Variants in TAOK3 observed in about 807,000 individuals in gnomAD.
TAOK3 encodes the protein serine/threonine-protein kinase TAO3.
A neutral mutation model predicts 120.4 loss-of-function variants in TAOK3; 40 were observed. The ratio of observed to expected loss-of-function variants is 0.33; its 90% CI spans 0.26 to 0.43. TAOK3 has a LOEUF of 0.43. TAOK3 is among the 20% of genes least tolerant of loss of function. The pLI, the probability that TAOK3 is intolerant of heterozygous loss-of-function variation, is 1.00. For missense variants in TAOK3, 821 were observed against 1,112.1 expected (o/e 0.74, Z 3.72); for synonymous variants, 355 against 387.5 (o/e 0.92, Z 0.99).
intron 15 of TAOK3, among the ~76,000 whole-genome samples, chr12:118,181,033 T>TG (rs926654281): frequency 1.3e-4 from 20 of 151,796 alleles, no homozygotes; most frequent in African/African-American, 4.8e-4. Flanking sequence ...TTAGAAGAGA[T>TG]GGAGTTTCAC....
At chr12:118,191,555 G>C (rs1479595497) in intron 13 of TAOK3, among the ~76,000 whole-genome samples, 4 of 152,116 alleles carry the variant, frequency 2.6e-5, no homozygotes, top group Non-Finnish European at 4.4e-5. Flanking sequence ...ATAGTTAGTG[G>C]TGCCATATTG....
chr12:118,249,189 C>T (rs1338653292), intron 3 of TAOK3, among the ~76,000 whole-genome samples: 1 of 152,130 alleles, frequency 6.6e-6, no homozygotes, highest in Non-Finnish European at 1.5e-5. Context: ...TAAGAACTTA[C>T]TATTATGTGT....
rs1042191517 is a variant in TAOK3, at chr12:118,352,652, C to A, written c.-194+19996G>T. On this transcript the variant is annotated intron_variant, in intron 1 of 20. Transcript: ENST00000392533. Reference sequence around the variant, plus strand: ...CTGTAAATGAGGTGACAGACTGGACCCAAATAGGAAAAATACTCAGGTCCC... The same window carrying A: ...CTGTAAATGAGGTGACAGACTGGACACAAATAGGAAAAATACTCAGGTCCC... Among the ~76,000 whole-genome samples, 6 of 152,038 alleles carry A rather than the reference C, an allele frequency of 3.9e-5. No homozygotes were observed. The East Asian group carries it at 5.8e-4, about 15-fold the overall frequency.
intron 1 of TAOK3, among the ~76,000 whole-genome samples, chr12:118,339,006 A>C (rs78569094): frequency 0.017 from 2,574 of 152,108 alleles, 28 homozygotes; most frequent in Non-Finnish European, 0.028. Flanking sequence ...ACCAGCAAAG[A>C]GTGTGGTGTG....
At chr12:118,182,599 GTATATA>G (rs1212615187) in intron 14 of TAOK3, among the ~76,000 whole-genome samples, 16 of 93,902 alleles carry the variant, frequency 1.7e-4, no homozygotes, top group African/African-American at 7.2e-4. Flanking sequence ...GTGTGTGTGT[GTATATA>G]TATATATATA....
chr12:118,194,814 T>C (rs1366723599), intron 13 of TAOK3, among the ~76,000 whole-genome samples: 1 of 152,126 alleles, frequency 6.6e-6, no homozygotes, highest in Non-Finnish European at 1.5e-5. Context: ...TGGCACCATC[T>C]TGGCTCACTG....
At chr12:118,314,680 C>T (rs879517259) in intron 1 of TAOK3, among the ~76,000 whole-genome samples, 1 of 152,184 alleles carries the variant, frequency 6.6e-6, no homozygotes, top group Non-Finnish European at 1.5e-5. Flanking sequence ...AATTGAGACT[C>T]ATATGGATGG....
intron 13 of TAOK3, 186 bp downstream of exon 13, chr12:118,198,865 T>C (rs781255724): frequency 6.6e-6 from 4 of 601,898 alleles, no homozygotes; most frequent in Non-Finnish European, 5.9e-6. Flanking sequence ...GATGAAGAAA[T>C]AGGCACAGAT....
intron 1 of TAOK3, among the ~76,000 whole-genome samples, chr12:118,324,556 T>G (rs893812129): frequency 6.6e-6 from 1 of 152,058 alleles, no homozygotes; most frequent in African/African-American, 2.4e-5. Flanking sequence ...CCTGCTATCC[T>G]TTCCAGCCTC....
rs2034335291 is a variant in TAOK3, at chr12:118,150,804, C to T, written c.*193G>A. ...GGTTTTGGCCAGCACTGAAAGTTGA[C>T]ACGGGGGGAGGAAGGGGGCCCCTGA... is the stretch of plus-strand genomic sequence containing the variant. On this transcript the variant is annotated 3_prime_UTR_variant, in exon 21 of 21. Coordinates refer to ENST00000392533, the MANE Select transcript of TAOK3 (RefSeq NM_016281.4). 4 of 596,084 alleles carry T rather than the reference C, an allele frequency of 6.7e-6. No individual in the cohort carries two copies. Among genetic ancestry groups the T allele is most frequent in the Non-Finnish European group, 1.1e-5 (4 of 351,224 alleles). The allele number at this position is 596,084 out of a possible 1,614,324, so 36.9% of individuals were successfully genotyped here. A position where few individuals can be genotyped will look rare whatever the true frequency, so the allele number is the denominator to read the frequency against.
chr12:118,213,350 C>T (rs1022591519), intron 10 of TAOK3, among the ~76,000 whole-genome samples: 5 of 152,054 alleles, frequency 3.3e-5, no homozygotes, highest in African/African-American at 1.2e-4. Flanking sequence ...TTCTTAATTA[C>T]CAATTGTTAA....
intron 1 of TAOK3, among the ~76,000 whole-genome samples, chr12:118,321,835 T>G (rs2043719368): frequency 6.6e-6 from 1 of 151,780 alleles, no homozygotes; most frequent in African/African-American, 2.4e-5. Context: ...TTTTGCAAGT[T>G]TTTTTTTTGA....
intron 9 of TAOK3, 93 bp downstream of exon 9, chr12:118,233,581 C>G: frequency 1.0e-6 from 1 of 989,280 alleles, no homozygotes; most frequent in Non-Finnish European, 1.6e-6. Context: ...ATGAATAACT[C>G]CTAATCATTA....
intron 11 of TAOK3, among the ~76,000 whole-genome samples, chr12:118,202,174 A>C (rs907816012): frequency 2.0e-5 from 3 of 148,716 alleles, no homozygotes; most frequent in Non-Finnish European, 4.5e-5. Context: ...AATATATAAT[A>C]AATATATATA....
At position 118,304,330 on chromosome 12, in the gene TAOK3, C is replaced by G. The variant is rs192192088; in HGVS notation, c.-193-37571G>C. 1.3e-5 allele frequency among the ~76,000 whole-genome samples: 2 copies of G among 151,984 alleles called. 1 individual carries two copies. Among genetic ancestry groups the G allele is most frequent in the South Asian group, 4.1e-4 (2 of 4,832 alleles). On this transcript the variant is annotated intron_variant, in intron 1 of 20. Coordinates refer to ENST00000392533, the MANE Select transcript of TAOK3 (RefSeq NM_016281.4). ...TCTCATTTAGTGATATTTCTCATACCAAGAACTAGAACCCTCAAAGGTCTC... is the reference window on the plus strand; with the variant it reads ...TCTCATTTAGTGATATTTCTCATACGAAGAACTAGAACCCTCAAAGGTCTC...
intron 1 of TAOK3, among the ~76,000 whole-genome samples, chr12:118,280,154 C>T (rs1375434166): frequency 2.0e-5 from 3 of 149,458 alleles, no homozygotes; most frequent in Admixed American, 6.7e-5. Context: ...CTCCGCCTCC[C>T]GGGTTCAAGT....
chr12:118,163,451 G>C (rs1412303573), intron 17 of TAOK3, among the ~76,000 whole-genome samples: 2 of 148,498 alleles, frequency 1.3e-5, no homozygotes, highest in Non-Finnish European at 3.0e-5. Context: ...TTTTTTTTGG[G>C]GGGGGTGGGG....
At chr12:118,227,249 TTAATA>T (rs1412725455) in intron 9 of TAOK3, among the ~76,000 whole-genome samples, 2 of 146,976 alleles carry the variant, frequency 1.4e-5, no homozygotes, top group Non-Finnish European at 3.0e-5. Context: ...CTTTTATATT[TTAATA>T]TAATATAAAA....
At chr12:118,293,884 G>A (rs911580857) in intron 1 of TAOK3, among the ~76,000 whole-genome samples, 15 of 148,240 alleles carry the variant, frequency 1.0e-4, no homozygotes, top group Admixed American at 2.7e-4. Context: ...GCATGGTGGC[G>A]CACGCCTGTA....
Sources: gnomAD v4.1 joint callset for allele counts (sites outside exome capture counted in the v4.1 genomes callset) on GRCh38, gnomAD v4.1.1 for gene constraint, MANE v1.5 for transcripts, NCBI Gene and HGNC (gene_info 2026-07-23, HGNC 2026-07-21) for gene names.